DCAF11: variants seen among roughly 807,000 people sequenced by gnomAD.
DCAF11 encodes DDB1- and CUL4-associated factor 11.
Under a neutral mutation model 76.1 loss-of-function variants are expected in DCAF11, and 44 were observed. That is an observed-to-expected ratio of 0.58 (90% CI 0.45 to 0.74). DCAF11 has a LOEUF of 0.74. Among genes scored for constraint, DCAF11 ranks in the 30% least tolerant of loss-of-function variants. DCAF11 has a pLI of 0.00. For synonymous variants in DCAF11, 258 were observed against 255.0 expected (o/e 1.01, Z -0.11); for missense variants, 604 against 709.4 (o/e 0.85, Z 1.69).
chr14:24,116,413 A>T (rs966828508), intron 2 of DCAF11, among the ~76,000 whole-genome samples: 1 of 152,174 alleles, frequency 6.6e-6, no homozygotes, highest in African/African-American at 2.4e-5. Context: ...AGAACGGGCT[A>T]TTCACAGGTG....
At chr14:24,119,290 A>T (rs2037645565) in intron 9 of DCAF11, 77 bp downstream of exon 9, 2 of 1,564,680 alleles carry the variant, frequency 1.3e-6, no homozygotes, top group African/African-American at 2.7e-5. Flanking sequence ...TGTTACACAG[A>T]TGGCACTGGC....
At chr14:24,121,284 G>A (rs563552022) in intron 12 of DCAF11, 81 bp from the exon 13 acceptor site, 29 of 1,565,552 alleles carry the variant, frequency 1.9e-5, no homozygotes, top group African/African-American at 4.1e-5. Flanking sequence ...TCTGGGCATC[G>A]AACCTTGCTC....
At position 24,118,390 on chromosome 14, in the gene DCAF11, C is replaced by G; in HGVS notation, c.580C>G (p.Gln194Glu). 6.2e-7 allele frequency: 1 copy of G among 1,614,148 alleles called. No individual in the cohort carries two copies. The highest frequency in any genetic ancestry group is 8.5e-7 in the Non-Finnish European group (1 of 1,180,010). The change falls in exon 7 of 15, where the codon CAG (glutamine) becomes GAG (glutamate). Residue 194 changes from glutamine to glutamate, a missense_variant and splice_region_variant. By Grantham distance (29) the Gln-to-Glu change is conservative (BLOSUM62 2). Transcript: ENST00000446197. ...GQIFMSACQDQTIRLYDCRYG... is the reference protein window; with the variant it reads ...GQIFMSACQDETIRLYDCRYG... ...CTGCCTGATCTTTACTTACACAGAC[C>G]AGACAATCCGACTCTATGACTGCCG...
Position 24,115,594 on chromosome 14 carries a change from G to A in DCAF11, c.-1G>A. 1.2e-6 allele frequency: 2 copies of A among 1,612,136 alleles called. No individual in the cohort carries two copies. Among genetic ancestry groups the A allele is most frequent in the Non-Finnish European group, 1.7e-6 (2 of 1,178,996 alleles). On this transcript the variant is annotated 5_prime_UTR_variant, in exon 2 of 15. Transcript: ENST00000446197. ...GGACCTAAGAATGCTGTGACCAGAA[G>A]ATGGGATCGCGGAACAGCAGCAGTG... is the stretch of plus-strand genomic sequence containing the variant.
Position 24,115,131 on chromosome 14 carries a change from C to A in DCAF11, c.-376C>A. The stretch of plus-strand genomic sequence containing the variant: ...CTCTGATTGGTCGATAAGGTGGGGG[C>A]GTCGAGGGTCTTTGAGTCCTAAGGC... On this transcript the variant is annotated 5_prime_UTR_variant, in exon 1 of 15. Transcript: ENST00000446197. The A allele has an allele frequency of 2.0e-6, 1 of 494,932 alleles. No homozygotes were observed. The highest frequency in any genetic ancestry group is 2.6e-6 in the Non-Finnish European group (1 of 381,376). 30.7% of individuals were successfully genotyped at this position (494,932 alleles called of 1,614,324 possible).
chr14:24,118,713 A>G, intron 7 of DCAF11, 37 bp from the exon 8 acceptor site: 9 of 1,611,246 alleles, frequency 5.6e-6, no homozygotes, highest in Non-Finnish European at 7.6e-6. Context: ...TTCTTCCCCC[A>G]TCCCTGAAAG....
At position 24,119,910 on chromosome 14, in the gene DCAF11, CAG is replaced by C; in HGVS notation, c.1092+15_1092+16del. 1.3e-6 allele frequency: 2 copies of C among 1,597,766 alleles called. No individual in the cohort carries two copies. The highest frequency in any genetic ancestry group is 1.7e-6 in the Non-Finnish European group (2 of 1,170,556). ...ATTGACAGCAAGGTGGGCCAGAAGT[CAG>C]GACTGTACAGCCAGGCCGCTAAGGT... On this transcript the variant is annotated intron_variant, in intron 11 of 14. Transcript: ENST00000446197.
intron 8 of DCAF11, 46 bp from the exon 9 acceptor site, chr14:24,119,083 TTTTATGTAGATTAACA>T: frequency 6.2e-7 from 1 of 1,607,488 alleles, no homozygotes; most frequent in Non-Finnish European, 8.5e-7. Flanking sequence ...CGTTGTCAGA[TTTTATGTAGATTAACA>T]AAAGCTGAAG....
At position 24,119,160 on chromosome 14, in the gene DCAF11, C is replaced by G. The variant is rs752518793; in HGVS notation, c.795C>G (p.Arg265=). Residue 265 remains arginine (R), a synonymous_variant, in exon 9 of 15, where the codon CGC becomes CGG. Transcript: ENST00000446197. The stretch of plus-strand genomic sequence containing the variant: ...TTGCTTTTAGGCCAGATGAGCGTCG[C>G]TTTGCTGTCTTCTCCATTGCTGTCT... ...TALDLRPDER[R]FAVFSIAVSS... The G allele has an allele frequency of 6.2e-7, 1 of 1,614,204 alleles. No individual in the cohort carries two copies. Among genetic ancestry groups the G allele is most frequent in the Non-Finnish European group, 8.5e-7 (1 of 1,180,036 alleles).
intron 2 of DCAF11, 69 bp downstream of exon 2, chr14:24,115,818 A>G: frequency 6.4e-7 from 1 of 1,551,170 alleles, no homozygotes; most frequent in Non-Finnish European, 8.7e-7. Context: ...TCCAGGCAGG[A>G]AAATTACAGA....
rs951536435 is a variant in DCAF11 at position 24,117,112 on chromosome 14, T to C, written c.283+68T>C. ...AACCTTTTAGTGATATTTTGAATGA[T>C]AGGTTACATTGAAAGAAGGTACGAT... is the stretch of plus-strand genomic sequence containing the variant. On this transcript the variant is annotated intron_variant, in intron 3 of 14. Transcript: ENST00000446197. This position sits in a 1 kb window ranked among gnomAD's most constrained non-coding sequence, Gnocchi z 4.3. The C allele has an allele frequency of 5.0e-6, 8 of 1,611,614 alleles. No individual in the cohort carries two copies. In the Admixed American group the frequency reaches 6.7e-5, roughly 13 times the overall value.
chr14:24,122,440 A>G (rs897194572), intron 13 of DCAF11, among the ~76,000 whole-genome samples: 16 of 151,178 alleles, frequency 1.1e-4, no homozygotes, highest in African/African-American at 3.4e-4. Flanking sequence ...CAGTGAGCCA[A>G]GATCGCGCCA....
rs1467469426 is a variant in DCAF11, at chr14:24,116,928, G to A, written c.167G>A (p.Arg56Lys). Residue 56 changes from arginine (R) to lysine (K), a missense_variant, in exon 3 of 15, where the codon AGG becomes AAG. By Grantham distance (26) the Arg-to-Lys change is conservative. Transcript: ENST00000446197. ...GGGTCTCTCCACAGAGGCCAAGTGA[G>A]GTTGGTGCAGGGAGGAGGTGCAGCA... ...LAYLLRRGQV[R>K]LVQGGGAANL... The A allele has an allele frequency of 1.9e-6, 3 of 1,614,160 alleles. No individual in the cohort carries two copies. Among genetic ancestry groups the A allele is most frequent in the South Asian group, 1.1e-5 (1 of 91,076 alleles).
chr14:24,116,511 C>T (rs962397337), intron 2 of DCAF11, among the ~76,000 whole-genome samples: 2 of 152,134 alleles, frequency 1.3e-5, no homozygotes, highest in African/African-American at 4.8e-5. Flanking sequence ...CACACACCAC[C>T]GCACCCAGCT....
chr14:24,122,828 A>T, intron 13 of DCAF11, 143 bp from the exon 14 acceptor site: 1 of 679,452 alleles, frequency 1.5e-6, no homozygotes, highest in Non-Finnish European at 2.5e-6. Flanking sequence ...CAGAAATAAC[A>T]CAGTCTTCTG....
chr14:24,119,081 G>A (rs531790856), intron 8 of DCAF11, 64 bp from the exon 9 acceptor site: 6 of 1,606,562 alleles, frequency 3.7e-6, no homozygotes, highest in Admixed American at 3.3e-5. Context: ...ACCGTTGTCA[G>A]ATTTTATGTA....
In DCAF11 at chr14:24,119,126, A is replaced by G. The variant is rs777407636; in HGVS notation, c.780-19A>G. Reference sequence around the variant, plus strand: ...AAGCTGAAGGAAGTCCACTTAACCCAGCTCCTTCTTGCTTTTAGGCCAGAT... The same window carrying G: ...AAGCTGAAGGAAGTCCACTTAACCCGGCTCCTTCTTGCTTTTAGGCCAGAT... On this transcript the variant is annotated intron_variant, in intron 8 of 14. Coordinates refer to ENST00000446197, the MANE Select transcript of DCAF11 (RefSeq NM_025230.5). The G allele has an allele frequency of 6.2e-7, 1 of 1,614,192 alleles. No individual in the cohort carries two copies. Among genetic ancestry groups the G allele is most frequent in the Admixed American group, 1.7e-5 (1 of 60,022 alleles).
At chr14:24,116,318 C>G (rs2037563278) in intron 2 of DCAF11, among the ~76,000 whole-genome samples, 1 of 152,082 alleles carries the variant, frequency 6.6e-6, no homozygotes, top group Non-Finnish European at 1.5e-5. Context: ...TTGGGGGTCC[C>G]TTCAGAATAT....
Position 24,117,482 on chromosome 14 carries a change from C to A in DCAF11, c.411+89C>A. ...CCCAGAGAAAAAGGAAGTCAACTTT[C>A]CAAAGTAGAAGCCTCAAGCGCTGGG... is the stretch of plus-strand genomic sequence containing the variant. On this transcript the variant is annotated intron_variant, in intron 4 of 14. Transcript: ENST00000446197. This position sits in a 1 kb window ranked among gnomAD's most constrained non-coding sequence, Gnocchi z 4.3. The A allele has an allele frequency of 6.3e-7, 1 of 1,586,922 alleles. No homozygotes were observed. The highest frequency in any genetic ancestry group is 1.1e-5 in the South Asian group (1 of 88,066).
Sources: allele counts gnomAD v4.1 joint callset (sites outside exome capture counted in the v4.1 genomes callset), GRCh38; gene constraint gnomAD v4.1.1; non-coding constraint Gnocchi (gnomAD v3.1); transcripts MANE v1.5; gene names NCBI Gene and HGNC (gene_info 2026-07-23, HGNC 2026-07-21).